PUS10: variants seen among roughly 807,000 people sequenced by gnomAD.
PUS10 encodes tRNA pseudouridine synthase Pus10.
Under a neutral mutation model 75.0 loss-of-function variants are expected in PUS10, and 59 were observed. The ratio of observed to expected loss-of-function variants is 0.79; its 90% CI spans 0.64 to 0.98. PUS10 has a LOEUF of 0.98. Among genes scored for constraint, PUS10 ranks in the 50% least tolerant of loss-of-function variants. The pLI, the probability that PUS10 is intolerant of heterozygous loss-of-function variation, is 0.00. For synonymous variants in PUS10, 219 were observed against 211.6 expected, an observed-to-expected ratio of 1.03 and a Z score of -0.30; for missense variants, 650 against 614.4, an observed-to-expected ratio of 1.06 and a Z score of -0.61.
intron 3 of PUS10, 87 bp downstream of exon 3, chr2:61,008,674 T>C (rs1679396667): frequency 8.8e-7 from 1 of 1,140,178 alleles, no homozygotes. Flanking sequence ...TGTCTTGTCT[T>C]GAAAAAAGGA....
chr2:60,994,403 C>G (rs1259531772), intron 4 of PUS10, among the ~76,000 whole-genome samples: 1 of 150,440 alleles, frequency 6.6e-6, no homozygotes, highest in African/African-American at 2.4e-5. Flanking sequence ...AAAAGGAAGT[C>G]AAAAATAGCT....
intron 1 of PUS10, among the ~76,000 whole-genome samples, chr2:61,014,065 C>T (rs930080266): frequency 3.1e-4 from 47 of 151,124 alleles, no homozygotes; most frequent in African/African-American, 1.1e-3. Flanking sequence ...AAATCTGCCC[C>T]TTTCATGAGT....
intron 4 of PUS10, among the ~76,000 whole-genome samples, chr2:60,985,590 T>A (rs1677670706): frequency 6.6e-6 from 1 of 152,158 alleles, no homozygotes; most frequent in African/African-American, 2.4e-5. Context: ...AACCTCTGAT[T>A]CCTGGGTTCA....
In PUS10 at chr2:60,954,144, T is replaced by C. The variant is rs563556086; in HGVS notation, c.1072A>G (p.Ile358Val). 2.2e-5 allele frequency: 35 copies of C among 1,614,166 alleles called. No individual in the cohort carries two copies. The highest frequency in any genetic ancestry group is 3.3e-5 in the Admixed American group (2 of 60,030). Residue 358 changes from isoleucine (I) to valine (V), a missense_variant, in exon 13 of 18, where the codon ATT becomes GTT. Transcript: ENST00000316752. ...RTLGNGRPFA[I>V]ELVNPHRVHF... is the part of the protein sequence containing the mutation. Reference sequence around the variant, plus strand: ...ACTCTATGAGGATTCACCAGCTCAATTGCAAAGGGCCTTCCTGGCAGCACA... The same window carrying C: ...ACTCTATGAGGATTCACCAGCTCAACTGCAAAGGGCCTTCCTGGCAGCACA...
At chr2:61,009,661 C>A (rs1237716499) in intron 2 of PUS10, among the ~76,000 whole-genome samples, 1 of 152,150 alleles carries the variant, frequency 6.6e-6, no homozygotes, top group Non-Finnish European at 1.5e-5. Context: ...AATTTAAAAA[C>A]CTGCATTTCT....
chr2:60,954,011 A>C (rs1476876360), intron 13 of PUS10, 23 bp from the exon 14 acceptor site: 1 of 1,612,320 alleles, frequency 6.2e-7, no homozygotes. Context: ...AAAAAGAAAA[A>C]CAATTAGCAA....
At chr2:60,969,661 C>A (rs1460929224) in intron 5 of PUS10, among the ~76,000 whole-genome samples, 1 of 152,196 alleles carries the variant, frequency 6.6e-6, no homozygotes, top group Non-Finnish European at 1.5e-5. Flanking sequence ...AATTCCTCCA[C>A]AATCTTTTCA....
chr2:61,003,189 C>T lies in PUS10; in HGVS notation c.468+3368G>A, dbSNP rs1030323770. The stretch of plus-strand genomic sequence containing the variant: ...AAATAAAAACTATTGGGGCCGGGAG[C>T]GGTGGCTCACACCTGTAATCCCAGA... On this transcript the variant is annotated intron_variant, in intron 4 of 17. Coordinates refer to ENST00000316752, the MANE Select transcript of PUS10 (RefSeq NM_144709.4). Among the ~76,000 whole-genome samples, 6 of 152,172 alleles carry T rather than the reference C, an allele frequency of 3.9e-5. No individual in the cohort carries two copies. In the South Asian group the frequency reaches 1.0e-3, roughly 26 times the overall value.
intron 4 of PUS10, among the ~76,000 whole-genome samples, chr2:60,974,773 G>A (rs970316943): frequency 6.6e-6 from 1 of 152,242 alleles, no homozygotes; most frequent in Non-Finnish European, 1.5e-5. Flanking sequence ...TGCAGCCAGC[G>A]TGCCTGCTGT....
chr2:60,965,666 T>G, intron 6 of PUS10, 182 bp from the exon 7 acceptor site: 1 of 443,774 alleles, frequency 2.3e-6, no homozygotes, highest in South Asian at 4.3e-5. Flanking sequence ...ATAGTTTTGT[T>G]TTTTTTTTTA....
At chr2:60,962,643 A>G (rs911890419) in intron 9 of PUS10, among the ~76,000 whole-genome samples, 183 bp downstream of exon 9, 1 of 152,206 alleles carries the variant, frequency 6.6e-6, no homozygotes, top group Non-Finnish European at 1.5e-5. Context: ...TAATTTGACA[A>G]ACATTTACTG....
At chr2:60,982,929 A>G (rs1161014396) in intron 4 of PUS10, among the ~76,000 whole-genome samples, 1 of 152,074 alleles carries the variant, frequency 6.6e-6, no homozygotes, top group Non-Finnish European at 1.5e-5. Flanking sequence ...TCCCAGGCTC[A>G]AGTGATCCTC....
At position 60,942,221 on chromosome 2, in the gene PUS10, A is replaced by C; in HGVS notation, c.*174T>G. The stretch of plus-strand genomic sequence containing the variant: ...CTTGGAACAATTTAACACAAAATAT[A>C]CACATATATAGATCCTGAGATGTTA... On this transcript the variant is annotated 3_prime_UTR_variant, in exon 18 of 18. Transcript: ENST00000316752. 1.7e-6 allele frequency: 1 copy of C among 576,920 alleles called. No homozygotes were observed. Among genetic ancestry groups the C allele is most frequent in the Non-Finnish European group, 3.2e-6 (1 of 316,470 alleles). The allele number at this position is 576,920 out of a possible 1,614,324, so 35.7% of individuals were successfully genotyped here.
intron 4 of PUS10, among the ~76,000 whole-genome samples, chr2:61,005,673 TATCATC>T (rs1169181782): frequency 1.3e-5 from 2 of 152,192 alleles, no homozygotes; most frequent in Non-Finnish European, 2.9e-5. Context: ...AGCCCAGTTA[TATCATC>T]ATCATCATCC....
intron 11 of PUS10, among the ~76,000 whole-genome samples, chr2:60,957,304 T>G (rs555046960): frequency 1.8e-4 from 27 of 152,362 alleles, no homozygotes; most frequent in African/African-American, 6.3e-4. Context: ...CGTGTGCTGA[T>G]GCCTGGAACG....
At chr2:60,999,394 C>T (rs1312385006) in intron 4 of PUS10, among the ~76,000 whole-genome samples, 2 of 152,116 alleles carry the variant, frequency 1.3e-5, no homozygotes, top group Non-Finnish European at 2.9e-5. Context: ...CCAGGAGGAT[C>T]ACTTGAACCC....
chr2:60,969,742 A>G (rs1676546476), intron 5 of PUS10, among the ~76,000 whole-genome samples: 2 of 152,226 alleles, frequency 1.3e-5, no homozygotes, highest in African/African-American at 2.4e-5. Flanking sequence ...CATTATCCCT[A>G]TATCAGTCAG....
In PUS10 at chr2:61,014,713, G is replaced by C. The variant is rs114799592; in HGVS notation, c.-15-2808C>G. On this transcript the variant is annotated intron_variant, in intron 1 of 17. Coordinates refer to ENST00000316752, the MANE Select transcript of PUS10 (RefSeq NM_144709.4). ...ATGCTGTAACTGTGGTCATAAAGAT[G>C]AACGACAGTGGCATCTTTTAATTTG... Among the ~76,000 whole-genome samples the C allele has an allele frequency of 2.7e-3, 414 of 152,302 alleles. 1 individual carries two copies. The highest frequency in any genetic ancestry group is 9.7e-3 in the African/African-American group (404 of 41,572).
At chr2:60,944,919 G>A in intron 17 of PUS10, 90 bp downstream of exon 17, 1 of 837,394 alleles carries the variant, frequency 1.2e-6, no homozygotes, top group Non-Finnish European at 2.1e-6. Flanking sequence ...ACCTATGGAG[G>A]TGGGTGATAC....
Sources: allele counts gnomAD v4.1 joint callset (sites outside exome capture counted in the v4.1 genomes callset), GRCh38; gene constraint gnomAD v4.1.1; transcripts MANE v1.5; gene names NCBI Gene and HGNC (gene_info 2026-07-23, HGNC 2026-07-21).